BAZ2B: variants seen among roughly 807,000 people sequenced by gnomAD.
The protein encoded by BAZ2B is bromodomain adjacent to zinc finger domain protein 2B.
BAZ2B carries 91 observed loss-of-function variants against 246.0 expected under a neutral mutation model. The observed-to-expected ratio is 0.37, with a 90% CI of 0.31 to 0.44. The LOEUF (loss-of-function observed/expected upper bound fraction) is 0.44, where lower values mean the gene tolerates loss of function less well. Among genes scored for constraint, BAZ2B ranks in the 20% least tolerant of loss-of-function variants. The pLI is 1.00. For synonymous variants in BAZ2B, 855 were observed against 860.0 expected, an observed-to-expected ratio of 0.99 and a Z score of 0.10; for missense variants, 2,332 against 2,533.7, an observed-to-expected ratio of 0.92 and a Z score of 1.71.
chr2:159,389,515 T>C (rs958486551), intron 20 of BAZ2B, 30 bp from the exon 21 acceptor site: 1 of 1,530,052 alleles, frequency 6.5e-7, no homozygotes, highest in Admixed American at 2.1e-5. Context: ...ACACATATTC[T>C]TCTTAATCAT....
the BAZ2B span, among the ~76,000 whole-genome samples, chr2:159,642,853 G>A: frequency 2.0e-5 from 3 of 152,054 alleles, no homozygotes; most frequent in Non-Finnish European, 4.4e-5. Flanking sequence ...TATGGATCAC[G>A]TTCCATCATT....
At chr2:159,624,895 AGCATGTTCTAACCCAAT>A in the BAZ2B span, among the ~76,000 whole-genome samples, 20 of 152,126 alleles carry the variant, frequency 1.3e-4, 1 homozygote, top group Non-Finnish European at 1.0e-4. Flanking sequence ...GAGCTAAAGG[AGCATGTTCTAACCCAAT>A]GCAAGGAAGC....
intron 27 of BAZ2B, among the ~76,000 whole-genome samples, chr2:159,364,774 G>A (rs2060050576): frequency 6.6e-6 from 1 of 152,188 alleles, no homozygotes; most frequent in African/African-American, 2.4e-5. Flanking sequence ...GATGTTGTGT[G>A]ACACTATACT....
At chr2:159,331,101 G>C (rs1230253562) in intron 34 of BAZ2B, among the ~76,000 whole-genome samples, 1 of 152,102 alleles carries the variant, frequency 6.6e-6, no homozygotes, top group East Asian at 1.9e-4. Flanking sequence ...AGAACTGCTG[G>C]AATAATATTC....
chr2:159,508,194 G>GC (rs2082537511), intron 2 of BAZ2B, among the ~76,000 whole-genome samples: 1 of 152,122 alleles, frequency 6.6e-6, no homozygotes, highest in Non-Finnish European at 1.5e-5. Context: ...TCAAATATGG[G>GC]CTATTATACA....
chr2:159,432,814 C>A lies in BAZ2B; in HGVS notation c.1843G>T (p.Asp615Tyr). Residue 615 changes from aspartate to tyrosine, a missense_variant, in exon 9 of 37, where the codon GAT becomes TAT. This residue lies in a region of BAZ2B where 651 missense variants were observed against 650.9 expected (regional missense o/e 1.00). Transcript: ENST00000392783. Reference protein sequence around the residue: ...EDSNEDEEEDDEEEDEEDDED... With the variant: ...EDSNEDEEEDYEEEDEEDDED... The stretch of plus-strand genomic sequence containing the variant: ...TCATCTTCCTCATCTTCTTCTTCAT[C>A]ATCTTCCTCTTCATCCTCATTTGAA... 6.2e-7 allele frequency: 1 copy of A among 1,613,922 alleles called. No homozygotes were observed. Among genetic ancestry groups the A allele is most frequent in the African/African-American group, 1.3e-5 (1 of 75,052 alleles).
chr2:159,555,827 A>G lies in BAZ2B; in HGVS notation c.-7T>C, dbSNP rs1210500706. The G allele has an allele frequency of 4.6e-5, 7 of 152,230 alleles. No homozygotes were observed. The highest frequency in any genetic ancestry group is 2.0e-4 in the Admixed American group (3 of 15,278). 9.4% of individuals were successfully genotyped at this position (152,230 alleles called of 1,614,324 possible). On this transcript the variant is annotated 5_prime_UTR_variant, in exon 2 of 37. Coordinates refer to ENST00000392783, the MANE Select transcript of BAZ2B (RefSeq NM_013450.4). ...TAACTATCATTTTGGTCTTACTGTG[A>G]TCAATGTGGTCAATCTTGTGACATC...
intron 13 of BAZ2B, among the ~76,000 whole-genome samples, chr2:159,424,443 T>G (rs1265426646): frequency 6.6e-6 from 1 of 152,136 alleles, no homozygotes; most frequent in Non-Finnish European, 1.5e-5. Flanking sequence ...AATTCTGCAA[T>G]GCAGGTATTA....
At chr2:159,504,127 ATT>A (rs147674753) in intron 2 of BAZ2B, among the ~76,000 whole-genome samples, 4 of 149,706 alleles carry the variant, frequency 2.7e-5, no homozygotes, top group African/African-American at 4.9e-5. Context: ...AGGCCTCTTA[ATT>A]TTTTTTTTGT....
chr2:159,347,527 C>T lies in BAZ2B; in HGVS notation c.5413G>A (p.Asp1805Asn), dbSNP rs116085584. 7.9e-3 allele frequency: 12,717 copies of T among 1,613,854 alleles called. 76 individuals carry two copies. The highest frequency in any genetic ancestry group is 9.2e-3 in the Non-Finnish European group (10,859 of 1,179,876). Reference sequence around the variant, plus strand: ...GCTGATGCAACTCTCCTTTCTAGATCTTCTACCTGTTGAAGGACACTCAAA... The same window carrying T: ...GCTGATGCAACTCTCCTTTCTAGATTTTCTACCTGTTGAAGGACACTCAAA... ...MDLSVLQQVE[D>N]LERRVASASL... The change falls in exon 31 of 37, where the codon GAT (aspartate) becomes AAT (asparagine). Residue 1805 changes from aspartate (D) to asparagine (N), a missense_variant. By Grantham distance (23) the Asp-to-Asn change is conservative. Coordinates refer to ENST00000392783, the MANE Select transcript of BAZ2B (RefSeq NM_013450.4).
the BAZ2B span, among the ~76,000 whole-genome samples, chr2:159,699,944 G>T: frequency 1.3e-5 from 2 of 152,120 alleles, no homozygotes. Context: ...GCTTCCTCTA[G>T]AGAGGAGGAA....
chr2:159,339,016 T>C (rs1231706146), intron 31 of BAZ2B, among the ~76,000 whole-genome samples: 2 of 152,182 alleles, frequency 1.3e-5, no homozygotes, highest in Non-Finnish European at 2.9e-5. Flanking sequence ...ATGCAATAGG[T>C]ATTTAATAAA....
At chr2:159,425,463 G>A (rs926644276) in intron 13 of BAZ2B, among the ~76,000 whole-genome samples, 2 of 152,320 alleles carry the variant, frequency 1.3e-5, no homozygotes, top group African/African-American at 2.4e-5. Flanking sequence ...TTACAGGCGT[G>A]AGCCACAATG....
chr2:159,501,192 AATATATATATTTTTATATATATT>A (rs1559629744), intron 2 of BAZ2B, among the ~76,000 whole-genome samples: 7 of 76,710 alleles, frequency 9.1e-5, no homozygotes, highest in African/African-American at 3.3e-4. Flanking sequence ...ATTTATATAT[AATATATATATTTTTATATATATT>A]ATATATATAT....
chr2:159,433,437 TC>T, intron 8 of BAZ2B, 74 bp from the exon 9 acceptor site: 1 of 1,361,924 alleles, frequency 7.3e-7, no homozygotes, highest in Non-Finnish European at 1.0e-6. Flanking sequence ...GCTTTCAATA[TC>T]TGAAAACAAA....
the BAZ2B span, among the ~76,000 whole-genome samples, chr2:159,651,444 T>C: frequency 2.0e-5 from 3 of 152,222 alleles, no homozygotes; most frequent in African/African-American, 4.8e-5. Flanking sequence ...ATTCTCATAA[T>C]CACTTTTCTG....
chr2:159,449,635 C>T (rs896752868), intron 4 of BAZ2B, among the ~76,000 whole-genome samples: 4 of 152,154 alleles, frequency 2.6e-5, no homozygotes, highest in Non-Finnish European at 5.9e-5. Flanking sequence ...AAAAGCTATT[C>T]TTCTGCACTG....
chr2:159,404,611 G>T (rs1165935609), intron 16 of BAZ2B: 18 of 417,692 alleles, frequency 4.3e-5, no homozygotes, highest in Non-Finnish European at 7.5e-5. Flanking sequence ...AGTCTACCAG[G>T]ATATTAAAGT....
chr2:159,429,094 G>T, intron 11 of BAZ2B, 106 bp downstream of exon 11: 2 of 730,274 alleles, frequency 2.7e-6, no homozygotes, highest in Non-Finnish European at 4.2e-6. Flanking sequence ...ATACTATGCA[G>T]CTATGTACTT....
Sources: allele counts gnomAD v4.1 joint callset (sites outside exome capture counted in the v4.1 genomes callset), GRCh38; gene constraint gnomAD v4.1.1; regional missense constraint gnomAD v4.1.1; transcripts MANE v1.5; gene names NCBI Gene and HGNC (gene_info 2026-07-23, HGNC 2026-07-21).